Variants in TAB2 observed in about 807,000 individuals in gnomAD.
TAB2 encodes the protein TGF-beta activated kinase 1 (MAP3K7) binding protein 2, also known as TGF-beta-activated kinase 1 and MAP3K7-binding protein 2.
In TAB2, 3 loss-of-function variants were observed where a neutral mutation model predicts 65.0. The ratio of observed to expected loss-of-function variants is 0.05; its 90% confidence interval spans 0.02 to 0.12. The LOEUF (loss-of-function observed/expected upper bound fraction) is 0.12. TAB2 is among the 10% of genes least tolerant of loss of function. TAB2 has a pLI of 1.00. For synonymous variants in TAB2, 298 were observed against 285.1 expected (o/e 1.05, Z -0.46); for missense variants, 623 against 840.3 (o/e 0.74, Z 3.20).
At chr6:149,221,715 CT>C (rs1239915923) in intron 1 of TAB2, among the ~76,000 whole-genome samples, 1 of 152,112 alleles carries the variant, frequency 6.6e-6, no homozygotes, top group Non-Finnish European at 1.5e-5. Context: ...AAAGGGAGGA[CT>C]TTGTTTATGA....
intron 3 of TAB2, among the ~76,000 whole-genome samples, chr6:149,396,340 C>A (rs6570965): frequency 0.45 from 67,772 of 151,942 alleles, 15,631 homozygotes; most frequent in East Asian, 0.6. Context: ...TCTTAGATGT[C>A]TGTGAGACCT....
chr6:149,256,734 T>C (rs917852492), intron 1 of TAB2, among the ~76,000 whole-genome samples: 3 of 152,178 alleles, frequency 2.0e-5, no homozygotes, highest in East Asian at 3.9e-4. Context: ...ATGACTGACA[T>C]GTACTTGATC....
At chr6:149,264,563 G>A (rs1778222460) in intron 1 of TAB2, among the ~76,000 whole-genome samples, 1 of 152,062 alleles carries the variant, frequency 6.6e-6, no homozygotes, top group African/African-American at 2.4e-5. Context: ...GGTATTTAGG[G>A]TGTCCACCAC....
At chr6:149,269,549 C>T (rs1336354771) in intron 1 of TAB2, among the ~76,000 whole-genome samples, 1 of 152,046 alleles carries the variant, frequency 6.6e-6, no homozygotes, top group East Asian at 1.9e-4. Context: ...TTAAGTAAAA[C>T]AGTTACATCA....
intron 2 of TAB2, among the ~76,000 whole-genome samples, chr6:149,377,794 A>G (rs2114881240): frequency 6.8e-6 from 1 of 147,278 alleles, no homozygotes; most frequent in South Asian, 2.1e-4. Context: ...AAAGTGGAAC[A>G]ATGATTTGAT....
intron 1 of TAB2, among the ~76,000 whole-genome samples, chr6:149,296,724 A>G (rs1778883359): frequency 6.6e-6 from 1 of 152,214 alleles, no homozygotes; most frequent in Admixed American, 6.5e-5. Context: ...CTTTCATTAA[A>G]TTCTTAAAAA....
rs151063342 is a variant in TAB2 at position 149,281,227 on chromosome 6, G to A, written c.-121+62451G>A. The stretch of plus-strand genomic sequence containing the variant: ...CATGTGAAAAATATATAACAATAAT[G>A]GCAGAAAGACAGGGAGAAGTAGAAA... On this transcript the variant is annotated intron_variant, in intron 1 of 1. Transcript: ENST00000606202. Among the ~76,000 whole-genome samples the A allele has an allele frequency of 1.5e-3, 228 of 151,930 alleles. 1 individual carries two copies. Among genetic ancestry groups the A allele is most frequent in the African/African-American group, 5.0e-3 (209 of 41,426 alleles).
At chr6:149,235,417 C>T (rs1034986171) in intron 1 of TAB2, among the ~76,000 whole-genome samples, 5 of 152,322 alleles carry the variant, frequency 3.3e-5, no homozygotes, top group Middle Eastern at 3.4e-3. Context: ...AAATTTGAAA[C>T]ATCCTATTAA....
intron 1 of TAB2, among the ~76,000 whole-genome samples, chr6:149,222,271 G>C (rs1406079585): frequency 1.3e-5 from 2 of 152,056 alleles, no homozygotes; most frequent in South Asian, 2.1e-4. Context: ...CTTGCAAACA[G>C]GTGATTGTGG....
chr6:149,296,260 G>T (rs9485376), intron 1 of TAB2, among the ~76,000 whole-genome samples: 1 of 152,206 alleles, frequency 6.6e-6, no homozygotes, highest in Non-Finnish European at 1.5e-5. Context: ...TTGACCCCCA[G>T]GTTGTAGCCC....
intron 1 of TAB2, among the ~76,000 whole-genome samples, chr6:149,254,504 C>G (rs1011811002): frequency 6.6e-6 from 1 of 152,200 alleles, no homozygotes; most frequent in African/African-American, 2.4e-5. Flanking sequence ...CTTTAACAGG[C>G]AACTACTTGT....
intron 1 of TAB2, among the ~76,000 whole-genome samples, chr6:149,312,594 C>A (rs917192103): frequency 2.6e-5 from 4 of 152,220 alleles, no homozygotes; most frequent in African/African-American, 9.6e-5. Flanking sequence ...AACTTCTGAC[C>A]TTAAGTGATC....
intron 1 of TAB2, among the ~76,000 whole-genome samples, chr6:149,345,267 A>G (rs1295374317): frequency 6.6e-6 from 1 of 152,156 alleles, no homozygotes; most frequent in Non-Finnish European, 1.5e-5. Flanking sequence ...TCATGGATGG[A>G]CCTACATATA....
At chr6:149,250,723 G>A (rs777894311) in intron 1 of TAB2, among the ~76,000 whole-genome samples, 35 of 152,214 alleles carry the variant, frequency 2.3e-4, no homozygotes, top group Non-Finnish European at 4.3e-4. Context: ...GCAGATGGCA[G>A]CACACCGGCT....
intron 6 of TAB2, among the ~76,000 whole-genome samples, chr6:149,402,976 T>C (rs1782488565): frequency 6.6e-6 from 1 of 152,078 alleles, no homozygotes; most frequent in Non-Finnish European, 1.5e-5. Flanking sequence ...GGCTCACACC[T>C]GTAATCCTAG....
At chr6:149,310,423 C>T (rs1393999194) in intron 1 of TAB2, among the ~76,000 whole-genome samples, 1 of 152,062 alleles carries the variant, frequency 6.6e-6, no homozygotes, top group Non-Finnish European at 1.5e-5. Context: ...TATGTTATTT[C>T]TGTTTATCTC....
intron 1 of TAB2, among the ~76,000 whole-genome samples, chr6:149,277,061 T>C (rs1381623359): frequency 6.6e-6 from 1 of 152,202 alleles, no homozygotes; most frequent in Non-Finnish European, 1.5e-5. Flanking sequence ...TCACCATCCA[T>C]GTAAGATGTG....
intron 1 of TAB2, among the ~76,000 whole-genome samples, chr6:149,223,324 C>T (rs1477954910): frequency 1.3e-5 from 2 of 152,184 alleles, no homozygotes; most frequent in African/African-American, 4.8e-5. Flanking sequence ...TTTTCCAGTA[C>T]CTCTTTTGTT....
chr6:149,356,287 G>A (rs1184830160), intron 1 of TAB2, among the ~76,000 whole-genome samples: 1 of 152,120 alleles, frequency 6.6e-6, no homozygotes, highest in Admixed American at 6.5e-5. Context: ...TAAAATTGGG[G>A]GTTAACTGAA....
Sources: gnomAD v4.1 joint callset for allele counts (sites outside exome capture counted in the v4.1 genomes callset) on GRCh38, gnomAD v4.1.1 for gene constraint, MANE v1.5 for transcripts, NCBI Gene and HGNC (gene_info 2026-07-23, HGNC 2026-07-21) for gene names.